Variants in CACNB2 observed in about 807,000 individuals in gnomAD.
The protein encoded by CACNB2 is calcium voltage-gated channel auxiliary subunit beta 2.
Under a neutral mutation model 73.3 loss-of-function variants are expected in CACNB2, and 42 were observed. The ratio of observed to expected loss-of-function variants is 0.57; its 90% CI spans 0.45 to 0.74. The LOEUF is 0.74. CACNB2 is among the 30% of genes least tolerant of loss of function. The pLI, the probability that CACNB2 is intolerant of heterozygous loss-of-function variation, is 0.00. For missense variants in CACNB2, 940 were observed against 853.0 expected (o/e 1.10, Z -1.27); for synonymous variants, 348 against 310.3 (o/e 1.12, Z -1.28).
intron 2 of CACNB2, among the ~76,000 whole-genome samples, chr10:18,189,106 T>A (rs575774185): frequency 1.3e-5 from 2 of 152,266 alleles, no homozygotes; most frequent in South Asian, 4.1e-4. Flanking sequence ...GTACTACAGG[T>A]GTGTACTACT....
chr10:18,175,438 T>G (rs1217892059), intron 2 of CACNB2, among the ~76,000 whole-genome samples: 1 of 152,070 alleles, frequency 6.6e-6, no homozygotes, highest in African/African-American at 2.4e-5. Context: ...TGGGTCAGAA[T>G]AAAAACATGC....
chr10:18,228,381 C>T (rs547788492), intron 2 of CACNB2, among the ~76,000 whole-genome samples: 4 of 128,720 alleles, frequency 3.1e-5, no homozygotes, highest in East Asian at 4.6e-4. Context: ...TGCGGTGAGC[C>T]GAGATGGCGA....
At chr10:18,213,960 G>C (rs1539680) in intron 2 of CACNB2, among the ~76,000 whole-genome samples, 96,460 of 152,004 alleles carry the variant, frequency 0.63, 33,508 homozygotes, top group Non-Finnish European at 0.79. Context: ...TCTAATTCCT[G>C]ATTGATTTGT....
intron 9 of CACNB2, among the ~76,000 whole-genome samples, chr10:18,520,722 C>T (rs904317620): frequency 6.6e-6 from 1 of 152,240 alleles, no homozygotes; most frequent in Non-Finnish European, 1.5e-5. Flanking sequence ...GCCGTACTTA[C>T]TCCCTTGCTG....
intron 2 of CACNB2, among the ~76,000 whole-genome samples, chr10:18,295,361 G>C (rs1009676564): frequency 2.0e-5 from 3 of 152,132 alleles, no homozygotes; most frequent in Non-Finnish European, 2.9e-5. Context: ...CTGTAGACCT[G>C]ACTTTATACC....
rs76123786 is a variant in CACNB2 at position 18,308,983 on chromosome 10, G to A, written c.214-92941G>A. Reference sequence around the variant, plus strand: ...CACTGATTCTCATTTGGGTTTGGAAGCAATGCACAATTGCCCTTAAAATAG... The same window carrying A: ...CACTGATTCTCATTTGGGTTTGGAAACAATGCACAATTGCCCTTAAAATAG... On this transcript the variant is annotated intron_variant, in intron 2 of 13. Coordinates refer to ENST00000324631, the MANE Select transcript of CACNB2 (RefSeq NM_201596.3). 2.4e-3 allele frequency among the ~76,000 whole-genome samples: 360 copies of A among 152,190 alleles called. 2 individuals are homozygous for A. The highest frequency in any genetic ancestry group is 8.4e-3 in the African/African-American group (349 of 41,526).
chr10:18,277,759 G>C (rs2038362800), intron 2 of CACNB2, among the ~76,000 whole-genome samples: 1 of 152,168 alleles, frequency 6.6e-6, no homozygotes, highest in Non-Finnish European at 1.5e-5. Context: ...GGGATGTAAA[G>C]ATGAATCAAA....
intron 2 of CACNB2, among the ~76,000 whole-genome samples, chr10:18,259,730 C>CAAAAAAAAAA (rs1491201687): frequency 8.9e-6 from 1 of 112,554 alleles, no homozygotes; most frequent in African/African-American, 3.5e-5. Context: ...GACTCTGTCT[C>CAAAAAAAAAA]AGAAAAAAAA....
At chr10:18,156,863 T>TA (rs1222624410) in intron 2 of CACNB2, among the ~76,000 whole-genome samples, 1 of 143,100 alleles carries the variant, frequency 7.0e-6, no homozygotes, top group Non-Finnish European at 1.5e-5. Context: ...ACCCTGTCTC[T>TA]ACTAAAAGTA....
chr10:18,486,157 G>T (rs2049050646), intron 3 of CACNB2, among the ~76,000 whole-genome samples: 1 of 152,066 alleles, frequency 6.6e-6, no homozygotes, highest in Non-Finnish European at 1.5e-5. Flanking sequence ...ATCATGATCA[G>T]AAATTTATTT....
At chr10:18,538,514 T>C (rs1234056147) in intron 13 of CACNB2, 149 bp downstream of exon 13, 8 of 676,590 alleles carry the variant, frequency 1.2e-5, no homozygotes, top group African/African-American at 5.5e-5. Context: ...GAGCTGTGTA[T>C]GTACCTGTAA....
chr10:18,537,119 C>G (rs2053679794), intron 12 of CACNB2, among the ~76,000 whole-genome samples: 1 of 152,052 alleles, frequency 6.6e-6, no homozygotes, highest in Non-Finnish European at 1.5e-5. Flanking sequence ...CTCCAAGTAG[C>G]TAGGACTACA....
intron 3 of CACNB2, among the ~76,000 whole-genome samples, chr10:18,414,962 G>A (rs975923134): frequency 2.6e-5 from 4 of 152,048 alleles, no homozygotes; most frequent in Non-Finnish European, 5.9e-5. Context: ...CCCATCAATG[G>A]CTACATAAAA....
intron 3 of CACNB2, among the ~76,000 whole-genome samples, chr10:18,440,556 A>C (rs1008449844): frequency 2.0e-5 from 3 of 152,054 alleles, no homozygotes; most frequent in Admixed American, 2.0e-4. Context: ...GGTGCCAGCT[A>C]CTCGGGAGGA....
At chr10:18,288,676 T>TAC (rs372916856) in intron 2 of CACNB2, among the ~76,000 whole-genome samples, 5,248 of 144,390 alleles carry the variant, frequency 0.036, 107 homozygotes, top group Middle Eastern at 0.11. Flanking sequence ...ATGAGATTTA[T>TAC]ACACACACAC....
intron 2 of CACNB2, among the ~76,000 whole-genome samples, chr10:18,391,275 C>T (rs1050060979): frequency 6.6e-6 from 1 of 152,192 alleles, no homozygotes; most frequent in Non-Finnish European, 1.5e-5. Context: ...ATCATCCGTT[C>T]ATCATGGAAA....
chr10:18,150,028 T>C (rs1429711435), intron 1 of CACNB2, among the ~76,000 whole-genome samples: 1 of 152,244 alleles, frequency 6.6e-6, no homozygotes, highest in Non-Finnish European at 1.5e-5. Flanking sequence ...ACCTGTGTGC[T>C]ACATTTAACT....
chr10:18,444,814 C>T (rs1229287423), intron 3 of CACNB2, among the ~76,000 whole-genome samples: 1 of 152,128 alleles, frequency 6.6e-6, no homozygotes, highest in East Asian at 1.9e-4. Flanking sequence ...AAGTAACACA[C>T]TGGTTTGAGT....
chr10:18,493,047 T>G (rs997172764), intron 3 of CACNB2, among the ~76,000 whole-genome samples: 3 of 152,174 alleles, frequency 2.0e-5, no homozygotes, highest in Non-Finnish European at 4.4e-5. Context: ...ATAAGAATGA[T>G]AGACTTAAAA....
Sources: gnomAD v4.1 joint callset for allele counts (sites outside exome capture counted in the v4.1 genomes callset) on GRCh38, gnomAD v4.1.1 for gene constraint, MANE v1.5 for transcripts, NCBI Gene and HGNC (gene_info 2026-07-23, HGNC 2026-07-21) for gene names.